Variants in EML2 observed in about 807,000 individuals in gnomAD.
EML2 encodes EMAP like 2.
EML2 carries 59 observed loss-of-function variants against 84.7 expected under a neutral mutation model. The ratio of observed to expected loss-of-function variants is 0.70; its 90% CI spans 0.56 to 0.86. EML2 has a LOEUF of 0.86. Among genes scored for constraint, EML2 ranks in the 40% least tolerant of loss-of-function variants. The pLI is 0.00. For missense variants in EML2, 818 were observed against 855.6 expected, an observed-to-expected ratio of 0.96 and a Z score of 0.55; for synonymous variants, 352 against 348.9, an observed-to-expected ratio of 1.01 and a Z score of -0.10.
chr19:45,609,659 C>T lies in EML2; in HGVS notation c.*4G>A, dbSNP rs374687287. Reference sequence around the variant, plus strand: ...CCCTGACACCTGACTCTTCCCTGGCCGCATCAGACCACCCGCCACTGTAGC... The same window carrying T: ...CCCTGACACCTGACTCTTCCCTGGCTGCATCAGACCACCCGCCACTGTAGC... On this transcript the variant is annotated 3_prime_UTR_variant, in exon 19 of 19. Coordinates refer to ENST00000245925, the MANE Select transcript of EML2 (RefSeq NM_012155.4). 3.8e-5 allele frequency: 60 copies of T among 1,597,414 alleles called. No homozygotes were observed. In the African/African-American group the frequency reaches 6.5e-4, roughly 17 times the overall value.
chr19:45,637,470 A>ATTTTTTTT (rs66503218), intron 3 of EML2, among the ~76,000 whole-genome samples: 6 of 101,660 alleles, frequency 5.9e-5, no homozygotes, highest in Admixed American at 1.2e-4. Context: ...ATTATTTTGG[A>ATTTTTTTT]TTTTTTTTTT....
chr19:45,642,130 A>G (rs568410246), upstream of EML2: 1 of 1,496,192 alleles, frequency 6.7e-7, no homozygotes, highest in African/African-American at 1.4e-5. Flanking sequence ...TCTAACGGGG[A>G]TACCCGAGGC....
chr19:45,620,122 ATT>A (rs971055620), intron 11 of EML2, among the ~76,000 whole-genome samples: 1 of 149,734 alleles, frequency 6.7e-6, no homozygotes, highest in Non-Finnish European at 1.5e-5. Context: ...TTTATAACAA[ATT>A]TTTTTTTTAG....
At chr19:45,642,485 A>G (rs1333674058), upstream of EML2, 1 of 1,436,314 alleles carries the variant, frequency 7.0e-7, no homozygotes, top group Non-Finnish European at 9.1e-7. Flanking sequence ...GGGCTGGGAC[A>G]CTTGGACATG....
intron 9 of EML2, among the ~76,000 whole-genome samples, chr19:45,623,141 C>T (rs1446033139): frequency 2.0e-5 from 3 of 151,342 alleles, no homozygotes; most frequent in South Asian, 4.2e-4. Flanking sequence ...GGGCGGATCA[C>T]GAGGTCAGGA....
Position 45,621,570 on chromosome 19 carries a change from C to T in EML2, c.909G>A (p.Leu303=), listed in dbSNP as rs1228825515. ...HDGGVFGLCA[L]RDGTLVSGGG... ...CTCCAGACACCAGCGTCCCGTCCCGCAGGGCGCAGAGCCCAAACACGCCGC... is the reference window on the plus strand; with the variant it reads ...CTCCAGACACCAGCGTCCCGTCCCGTAGGGCGCAGAGCCCAAACACGCCGC... Residue 303 remains leucine, a synonymous_variant, in exon 10 of 19, where the codon CTG becomes CTA. Transcript: ENST00000245925. 5 of 1,612,476 alleles carry T rather than the reference C, an allele frequency of 3.1e-6. No homozygotes were observed. The highest frequency in any genetic ancestry group is 4.2e-6 in the Non-Finnish European group (5 of 1,179,940).
intron 18 of EML2, among the ~76,000 whole-genome samples, chr19:45,610,940 T>C (rs527324183): frequency 1.3e-5 from 2 of 152,322 alleles, no homozygotes; most frequent in Non-Finnish European, 2.9e-5. Context: ...TGGGGAAGGC[T>C]ATTCTACATG....
At chr19:45,615,295 G>C (rs1320940863) in intron 16 of EML2, among the ~76,000 whole-genome samples, 3 of 151,278 alleles carry the variant, frequency 2.0e-5, no homozygotes, top group Non-Finnish European at 4.4e-5. Flanking sequence ...AGCCGACATC[G>C]TGCCATTGCA....
At position 45,616,514 on chromosome 19, in the gene EML2, C is replaced by G. The variant is rs199584109; in HGVS notation, c.1456G>C (p.Val486Leu). 1.0e-4 allele frequency: 168 copies of G among 1,610,520 alleles called. No homozygotes were observed. The East Asian group carries it at 3.5e-3, about 34-fold the overall frequency. Residue 486 changes from valine (V) to leucine (L), a missense_variant, in exon 15 of 19, where the codon GTG (valine) becomes CTG (leucine). By Grantham distance (32) the Val-to-Leu change is conservative (BLOSUM62 1). Transcript: ENST00000245925. ...CGGCCGCCCTGGTCCACCGTGTACA[C>G]GTACACCAAGTTGTCGTGGGAGCCC... ...AVGSHDNLVYVYTVDQGGRKV... is the reference protein window; with the variant it reads ...AVGSHDNLVYLYTVDQGGRKV...
intron 7 of EML2, 126 bp from the exon 8 acceptor site, chr19:45,626,965 T>C (rs965309369): frequency 9.9e-5 from 90 of 909,284 alleles, no homozygotes; most frequent in Non-Finnish European, 1.3e-4. Context: ...CTTTTCTTTT[T>C]TTTTTTTTTT....
At chr19:45,645,221 G>C, upstream of EML2, 2 of 1,509,800 alleles carry the variant, frequency 1.3e-6, no homozygotes, top group Non-Finnish European at 1.8e-6. Context: ...GGCAAGAAGA[G>C]ATGGGTCCAG....
chr19:45,630,148 C>A, intron 6 of EML2, 102 bp from the exon 7 acceptor site: 1 of 831,878 alleles, frequency 1.2e-6, no homozygotes, highest in Non-Finnish European at 2.0e-6. Context: ...TGTTTTAAAA[C>A]CTTCAGGCTG....
chr19:45,645,496 G>A (rs1052693234), upstream of EML2: 1 of 1,397,106 alleles, frequency 7.2e-7, no homozygotes, highest in Admixed American at 3.2e-5. Context: ...CCCGGCGCTG[G>A]GGTCATCCCC....
intron 13 of EML2, 148 bp from the exon 14 acceptor site, chr19:45,617,001 G>T (rs746093549): frequency 1.6e-6 from 1 of 635,472 alleles, no homozygotes; most frequent in Non-Finnish European, 2.8e-6. Flanking sequence ...ATCCCAGCAC[G>T]CTGGGAGGCC....
At chr19:45,632,713 G>C in intron 6 of EML2, 148 bp downstream of exon 6, 1 of 683,058 alleles carries the variant, frequency 1.5e-6, no homozygotes, top group Non-Finnish European at 2.5e-6. Context: ...CTTGGGGTGA[G>C]GACACGCCCT....
At chr19:45,612,437 G>C (rs904221850) in intron 18 of EML2, among the ~76,000 whole-genome samples, 1 of 152,216 alleles carries the variant, frequency 6.6e-6, no homozygotes, top group Non-Finnish European at 1.5e-5. Flanking sequence ...AGCACTTTGG[G>C]AAACTAAGGT....
At chr19:45,624,314 C>T (rs183483581) in intron 9 of EML2, among the ~76,000 whole-genome samples, 1 of 152,306 alleles carries the variant, frequency 6.6e-6, no homozygotes, top group Admixed American at 6.5e-5. Flanking sequence ...TTTACTTATT[C>T]TTCCATCCAT....
Position 45,618,048 on chromosome 19 carries a change from GT to G in EML2, c.1255-352del, listed in dbSNP as rs1312893409. On this transcript the variant is annotated intron_variant, in intron 12 of 18. Transcript: ENST00000245925. ...TCTAGAATTTTAAGACTTTATTTTT[GT>G]TTTTTATTTTTTAAATTTTTATTTA... Among the ~76,000 whole-genome samples the G allele has an allele frequency of 2.0e-5, 3 of 151,984 alleles. No individual in the cohort carries two copies. The East Asian group carries it at 5.8e-4, about 29-fold the overall frequency.
chr19:45,632,948 G>A lies in EML2; in HGVS notation c.423C>T (p.Ile141=), dbSNP rs756110347. 1.1e-4 allele frequency: 175 copies of A among 1,614,100 alleles called. No individual in the cohort carries two copies. Among genetic ancestry groups the A allele is most frequent in the Non-Finnish European group, 1.4e-4 (171 of 1,180,042 alleles). ...EGKPLPPHVR[I]WDSVSLSTLH... ...AGGTGGAGAGGGAAACTGAGTCCCA[G>A]ATGCGCACGTGGGGCGGCAGCGGCT... The change falls in exon 6 of 19, where the codon ATC becomes ATT. Residue 141 remains isoleucine (I), a synonymous_variant. Coordinates refer to ENST00000245925, the MANE Select transcript of EML2 (RefSeq NM_012155.4).
Sources: allele counts gnomAD v4.1 joint callset (sites outside exome capture counted in the v4.1 genomes callset), GRCh38; gene constraint gnomAD v4.1.1; transcripts MANE v1.5; gene names NCBI Gene and HGNC (gene_info 2026-07-23, HGNC 2026-07-21).